Variants in LY9 observed in about 807,000 individuals in gnomAD.
LY9 encodes T-lymphocyte surface antigen Ly-9.
A neutral mutation model predicts 64.6 loss-of-function variants in LY9; 59 were observed. The observed-to-expected ratio is 0.91, with a 90% CI of 0.74 to 1.13. LY9 has a LOEUF of 1.13. Among genes scored for constraint, LY9 ranks in the 50% most tolerant of loss-of-function variants. LY9 has a pLI of 0.00. For synonymous variants in LY9, 281 were observed against 308.5 expected (o/e 0.91, Z 0.93); for missense variants, 789 against 797.2 (o/e 0.99, Z 0.12).
intron 2 of LY9, chr1:160,809,850 A>G (rs1667328843): frequency 6.6e-6 from 1 of 152,150 alleles, no homozygotes; most frequent in Non-Finnish European, 1.5e-5. Context: ...TATTTTTCTT[A>G]TGAATGAGAT....
chr1:160,823,859 G>A, intron 8 of LY9, 63 bp downstream of exon 8: 1 of 1,340,354 alleles, frequency 7.5e-7, no homozygotes, highest in South Asian at 1.3e-5. Flanking sequence ...CTGAGATCCT[G>A]GATGACTAGT....
intron 6 of LY9, among the ~76,000 whole-genome samples, 191 bp downstream of exon 6, chr1:160,818,510 C>T (rs1333713276): frequency 6.6e-6 from 1 of 151,756 alleles, no homozygotes; most frequent in Non-Finnish European, 1.5e-5. Flanking sequence ...TTCAAACTGG[C>T]TTAGACAGAA....
intron 1 of LY9, chr1:160,799,456 A>G (rs1666229464): frequency 3.2e-6 from 1 of 311,868 alleles, no homozygotes; most frequent in African/African-American, 2.2e-5. Flanking sequence ...TTTAGATAAG[A>G]TTCACTGAAA....
intron 4 of LY9, 25 bp from the exon 5 acceptor site, chr1:160,816,569 A>G (rs1410586543): frequency 6.4e-7 from 1 of 1,564,738 alleles, no homozygotes; most frequent in Non-Finnish European, 8.7e-7. Flanking sequence ...CTGATTCCAC[A>G]TGGAGTCTGC....
At chr1:160,807,432 A>G (rs1180176455) in intron 2 of LY9, among the ~76,000 whole-genome samples, 3 of 152,222 alleles carry the variant, frequency 2.0e-5, no homozygotes, top group Admixed American at 2.0e-4. Flanking sequence ...CAAGTGGGCC[A>G]GTCATCAGGC....
At chr1:160,810,651 C>A (rs1055685784) in intron 2 of LY9, 1 of 152,202 alleles carries the variant, frequency 6.6e-6, no homozygotes, top group African/African-American at 2.4e-5. Context: ...TACCCTCTGG[C>A]CTCTCAAAAT....
intron 2 of LY9, chr1:160,810,344 T>G (rs942092710): frequency 6.6e-6 from 1 of 152,242 alleles, no homozygotes; most frequent in African/African-American, 2.4e-5. Context: ...AGACTAGAAA[T>G]CCAAGTTCAA....
rs775293008 is a variant in LY9, at chr1:160,814,549, CCAT to C, written c.864_866del (p.Ile289del). On this transcript the variant is annotated inframe_deletion, in exon 4 of 10. Coordinates refer to ENST00000263285, the MANE Select transcript of LY9 (RefSeq NM_002348.4). ...AAGGTTGTCTGGTTGTTTAACACATCCATCATTAGCAAAGAGAGGGAAGAAGCA... is the reference window on the plus strand; with the variant it reads ...AAGGTTGTCTGGTTGTTTAACACATCCATTAGCAAAGAGAGGGAAGAAGCA... 8.1e-6 allele frequency: 13 copies of C among 1,614,048 alleles called. No individual in the cohort carries two copies. The highest frequency in any genetic ancestry group is 1.1e-5 in the Non-Finnish European group (13 of 1,180,038).
rs368291623 is a variant in LY9 at position 160,823,824 on chromosome 1, C to G, written c.1830+28C>G. 448 of 1,516,132 alleles carry G rather than the reference C, an allele frequency of 3.0e-4. 2 individuals carry two copies. The South Asian group carries it at 4.8e-3, about 16-fold the overall frequency. The allele number at this position is 1,516,132 out of a possible 1,614,324, so 93.9% of individuals were successfully genotyped here. On this transcript the variant is annotated intron_variant, in intron 8 of 9. Transcript: ENST00000263285. ...GAGCCCTTCTGATCAATACACCTTC[C>G]TCCTCCTCCCATGTCTAGCGGCATC... is the stretch of plus-strand genomic sequence containing the variant.
At position 160,814,593 on chromosome 1, in the gene LY9, C is replaced by T. The variant is rs748967886; in HGVS notation, c.904C>T (p.Leu302Phe). Residue 302 changes from leucine to phenylalanine, a missense_variant, in exon 4 of 10, where the codon CTC becomes TTC. Leu to Phe is a conservative substitution (Grantham distance 22). Transcript: ENST00000263285. ...EREEAATADP[L>F]IKSRDPYKNR... is the part of the protein sequence containing the mutation. ...GGAAGAAGCAGCAACGGCAGATCCA[C>T]TCATTAAATCCAGGGATCCTTACAA... 6.2e-7 allele frequency: 1 copy of T among 1,614,192 alleles called. No homozygotes were observed. The highest frequency in any genetic ancestry group is 8.5e-7 in the Non-Finnish European group (1 of 1,180,034).
Position 160,823,205 on chromosome 1 carries a change from T to C in LY9, c.1499-260T>C, listed in dbSNP as rs180810569. 2.3e-3 allele frequency among the ~76,000 whole-genome samples: 345 copies of C among 152,338 alleles called. 1 individual carries two copies. The highest frequency in any genetic ancestry group is 3.7e-3 in the Admixed American group (57 of 15,298). ...CTGCAATGATGCTTGGCATGGTTTATCCCACAGGGCCAGAGAGTTGCTAAA... is the reference window on the plus strand; with the variant it reads ...CTGCAATGATGCTTGGCATGGTTTACCCCACAGGGCCAGAGAGTTGCTAAA... On this transcript the variant is annotated intron_variant, in intron 7 of 9. Coordinates refer to ENST00000263285, the MANE Select transcript of LY9 (RefSeq NM_002348.4).
At chr1:160,823,102 C>T (rs1345238458) in intron 7 of LY9, among the ~76,000 whole-genome samples, 1 of 152,210 alleles carries the variant, frequency 6.6e-6, no homozygotes, top group African/African-American at 2.4e-5. Flanking sequence ...CTGATTTACA[C>T]ATGCACCTGA....
At position 160,823,480 on chromosome 1, in the gene LY9, ACACGCTATACTCTGTGCTCTCC is replaced by A; in HGVS notation, c.1517_1538del (p.Thr506LysfsTer229). On this transcript the variant is annotated frameshift_variant, in exon 8 of 10. Transcript: ENST00000263285. LOFTEE classifies it high-confidence loss of function. ...TGTGTTCCAGAACCCACAGCTGGCC[ACACGCTATACTCTGTGCTCTCC>A]CAAGGATATGAGAAGCTGGACACTC... The A allele has an allele frequency of 1.2e-6, 2 of 1,608,210 alleles. No homozygotes were observed. Among genetic ancestry groups the A allele is most frequent in the Non-Finnish European group, 1.7e-6 (2 of 1,175,142 alleles).
intron 2 of LY9, chr1:160,801,906 C>T (rs760825626): frequency 1.9e-6 from 3 of 1,613,274 alleles, no homozygotes; most frequent in South Asian, 1.1e-5. Context: ...TGTGAGCGTG[C>T]GGGAGGGCTA....
At chr1:160,813,613 T>G (rs1390711604) in intron 2 of LY9, 23 bp from the exon 3 acceptor site, 1 of 1,603,756 alleles carries the variant, frequency 6.2e-7, no homozygotes, top group Non-Finnish European at 8.5e-7. Context: ...TCTGAGCATC[T>G]TCCCATGCTG....
chr1:160,802,791 C>G (rs563712486), intron 2 of LY9: 2 of 430,818 alleles, frequency 4.6e-6, no homozygotes, highest in African/African-American at 4.3e-5. Flanking sequence ...TGGCTATAAA[C>G]CTGTGGCTTT....
intron 6 of LY9, 79 bp from the exon 7 acceptor site, chr1:160,819,242 T>C (rs563061571): frequency 1.9e-6 from 2 of 1,072,852 alleles, no homozygotes; most frequent in African/African-American, 3.1e-5. Context: ...TCTCCCCTTC[T>C]CATTTGACTC....
At chr1:160,823,844 G>C (rs755935162) in intron 8 of LY9, 48 bp downstream of exon 8, 1 of 1,442,756 alleles carries the variant, frequency 6.9e-7, no homozygotes, top group Admixed American at 1.7e-5. Context: ...CATGTCTAGC[G>C]GCATCTGAGA....
intron 2 of LY9, chr1:160,810,321 C>T (rs1179313479): frequency 6.6e-6 from 1 of 152,212 alleles, no homozygotes; most frequent in Non-Finnish European, 1.5e-5. Context: ...AAATTTATTT[C>T]TCACAATTCT....
Sources: allele counts gnomAD v4.1 joint callset (sites outside exome capture counted in the v4.1 genomes callset), GRCh38; gene constraint gnomAD v4.1.1; transcripts MANE v1.5; gene names NCBI Gene and HGNC (gene_info 2026-07-23, HGNC 2026-07-21).